EGFL6: variants seen among roughly 807,000 people sequenced by gnomAD.
The protein encoded by EGFL6 is epidermal growth factor-like protein 6.
Under a neutral mutation model 43.1 loss-of-function variants are expected in EGFL6, and 42 were observed. The observed-to-expected ratio is 0.98, with a 90% CI of 0.76 to 1.26. The LOEUF (loss-of-function observed/expected upper bound fraction) is 1.26, where lower values mean the gene tolerates loss of function less well. Ranked by LOEUF, EGFL6 falls within the 50% of genes most tolerant of loss-of-function variation. EGFL6 has a pLI of 0.00. For missense variants in EGFL6, 429 were observed against 427.8 expected (o/e 1.00, Z -0.02); for synonymous variants, 164 against 163.2 (o/e 1.01, Z -0.04).
intron 3 of EGFL6, among the ~76,000 whole-genome samples, chrX:13,597,326 C>G (rs2045603523): frequency 8.9e-6 from 1 of 111,741 alleles, no homozygotes; most frequent in East Asian, 2.8e-4. Flanking sequence ...GCTGCCAAGC[C>G]CAGAGGTTAG....
At chrX:13,597,668 T>C (rs759084510) in intron 3 of EGFL6, among the ~76,000 whole-genome samples, 62 of 110,960 alleles carry the variant, frequency 5.6e-4, no homozygotes, top group South Asian at 1.5e-3. Context: ...CCTGTAATCC[T>C]AGCTACTCGG....
chrX:13,570,936 A>G (rs2045438330), intron 1 of EGFL6, among the ~76,000 whole-genome samples: 1 of 111,974 alleles, frequency 8.9e-6, no homozygotes, highest in Non-Finnish European at 1.9e-5. Context: ...CTTGCTTTCT[A>G]CTTAGGTGTC....
At chrX:13,629,649 C>G (rs993050343) in intron 11 of EGFL6, among the ~76,000 whole-genome samples, 1 of 112,054 alleles carries the variant, frequency 8.9e-6, no homozygotes, top group Non-Finnish European at 1.9e-5. Flanking sequence ...TGGCTGTGGA[C>G]ATTTGTAACA....
At chrX:13,594,596 T>C (rs3747417) in intron 2 of EGFL6, among the ~76,000 whole-genome samples, 49,190 of 110,420 alleles carry the variant, frequency 0.45, 8,384 homozygotes, top group East Asian at 0.8. Flanking sequence ...TCCAACATTA[T>C]ACTTATTTTA....
intron 2 of EGFL6, among the ~76,000 whole-genome samples, chrX:13,593,945 G>A (rs1290631800): frequency 9.0e-6 from 1 of 111,260 alleles, no homozygotes; most frequent in Non-Finnish European, 1.9e-5. Flanking sequence ...CCATTCCTGG[G>A]CAATTGCTGA....
At chrX:13,590,527 C>G (rs2045557412) in intron 2 of EGFL6, among the ~76,000 whole-genome samples, 1 of 111,767 alleles carries the variant, frequency 8.9e-6, no homozygotes, top group Non-Finnish European at 1.9e-5. Context: ...GATAACAACA[C>G]AGTTGCAGGT....
intron 10 of EGFL6, among the ~76,000 whole-genome samples, chrX:13,626,555 G>C (rs921655557): frequency 5.4e-5 from 6 of 111,963 alleles, no homozygotes; most frequent in Non-Finnish European, 1.1e-4. Flanking sequence ...TACAGGTGCA[G>C]GTGTGTTTTG....
chrX:13,587,982 CA>C (rs1475376481), intron 1 of EGFL6, among the ~76,000 whole-genome samples: 29 of 111,994 alleles, frequency 2.6e-4, no homozygotes, highest in Non-Finnish European at 1.1e-4. Context: ...GTGCTACTGG[CA>C]ACTGTAGATA....
At chrX:13,569,963 C>T in intron 1 of EGFL6, 28 bp downstream of exon 1, 1 of 1,199,891 alleles carries the variant, frequency 8.3e-7, no homozygotes, top group Non-Finnish European at 1.1e-6. Context: ...GATTGGCTTC[C>T]CCCCACCCCC....
intron 1 of EGFL6, among the ~76,000 whole-genome samples, chrX:13,577,691 T>C (rs768220970): frequency 8.1e-5 from 9 of 111,585 alleles, no homozygotes; most frequent in African/African-American, 2.6e-4. Flanking sequence ...GATAGATACA[T>C]ACCTGCAAAA....
chrX:13,580,722 T>C (rs2045501180), intron 1 of EGFL6, among the ~76,000 whole-genome samples: 1 of 112,180 alleles, frequency 8.9e-6, no homozygotes, highest in South Asian at 3.7e-4. Context: ...TGCTCCAAAG[T>C]GTTCCTCTTA....
intron 3 of EGFL6, among the ~76,000 whole-genome samples, chrX:13,598,733 A>G (rs1192446334): frequency 2.8e-5 from 3 of 107,491 alleles, no homozygotes; most frequent in Non-Finnish European, 5.7e-5. Flanking sequence ...TGATCTGTAC[A>G]CAGAGTTTTG....
intron 7 of EGFL6, among the ~76,000 whole-genome samples, chrX:13,613,453 A>G (rs1314505871): frequency 9.0e-6 from 1 of 110,523 alleles, no homozygotes; most frequent in Admixed American, 9.7e-5. Flanking sequence ...TTGGGGAGTA[A>G]CAGTCAACTT....
Position 13,617,815 on chromosome X carries a change from C to T in EGFL6, c.864C>T (p.Asn288=). The change falls in exon 8 of 12, where the codon AAC becomes AAT. Residue 288 remains asparagine, a synonymous_variant. Transcript: ENST00000361306. ...TCAAGAAGTTGCTTGCTCACAAAAA[C>T]AGCATGAAAAAGAAGGCAAAAATTA... ...DRIKKLLAHK[N]SMKKKAKIKN... 8.3e-7 allele frequency: 1 copy of T among 1,211,378 alleles called. No homozygotes were observed. Among genetic ancestry groups the T allele is most frequent in the Non-Finnish European group, 1.1e-6 (1 of 895,206 alleles).
At chrX:13,615,021 G>T (rs1602655175) in intron 7 of EGFL6, among the ~76,000 whole-genome samples, 1 of 111,977 alleles carries the variant, frequency 8.9e-6, no homozygotes, top group Admixed American at 9.5e-5. Flanking sequence ...CAAAGTGCTG[G>T]GATTACAGGC....
chrX:13,587,810 G>A (rs372611076), intron 1 of EGFL6, among the ~76,000 whole-genome samples: 6 of 111,822 alleles, frequency 5.4e-5, no homozygotes, highest in South Asian at 3.7e-4. Context: ...GGCCCTTTTC[G>A]TCACTGTACT....
At chrX:13,570,152 CT>C (rs2045432599) in intron 1 of EGFL6, among the ~76,000 whole-genome samples, 1 of 111,892 alleles carries the variant, frequency 8.9e-6, no homozygotes, top group Non-Finnish European at 1.9e-5. Flanking sequence ...TAGTTAGCTC[CT>C]TTTGCATCAG....
At chrX:13,607,161 G>T in intron 6 of EGFL6, among the ~76,000 whole-genome samples, 1 of 111,416 alleles carries the variant, frequency 9.0e-6, no homozygotes, top group Non-Finnish European at 1.9e-5. Flanking sequence ...AGGCCTCCAT[G>T]AACAAGTGAG....
chrX:13,622,211 AGAAAG>A (rs57492972), intron 9 of EGFL6, among the ~76,000 whole-genome samples: 12,618 of 111,364 alleles, frequency 0.11, 779 homozygotes, highest in African/African-American at 0.24. Flanking sequence ...GGAGTTAAGA[AGAAAG>A]GAAAGTGAGG....
Sources: allele counts gnomAD v4.1 joint callset (sites outside exome capture counted in the v4.1 genomes callset), GRCh38; gene constraint gnomAD v4.1.1; transcripts MANE v1.5; gene names NCBI Gene and HGNC (gene_info 2026-07-23, HGNC 2026-07-21).